Variants in KIFAP3 observed in about 807,000 individuals in gnomAD.
KIFAP3 encodes kinesin associated protein 3.
Under a neutral mutation model 106.5 loss-of-function variants are expected in KIFAP3, and 68 were observed. The observed-to-expected ratio is 0.64, with a 90% CI of 0.53 to 0.78. KIFAP3 has a LOEUF of 0.78. Among genes scored for constraint, KIFAP3 ranks in the 30% least tolerant of loss-of-function variants. KIFAP3 has a pLI of 0.00. For synonymous variants in KIFAP3, 320 were observed against 311.5 expected (o/e 1.03, Z -0.29); for missense variants, 780 against 941.8 (o/e 0.83, Z 2.25).
At chr1:170,031,749 G>T in intron 8 of KIFAP3, 137 bp downstream of exon 8, 1 of 571,052 alleles carries the variant, frequency 1.8e-6, no homozygotes, top group South Asian at 3.1e-5. Context: ...AAAGACAGAC[G>T]AACTTGTAGC....
chr1:170,035,871 A>C (rs920902908), intron 5 of KIFAP3, among the ~76,000 whole-genome samples: 1 of 152,074 alleles, frequency 6.6e-6, no homozygotes, highest in African/African-American at 2.4e-5. Flanking sequence ...CCTTAAATTA[A>C]GAACTGTAAT....
At chr1:170,063,563 C>T (rs909918615) in intron 1 of KIFAP3, among the ~76,000 whole-genome samples, 1 of 152,198 alleles carries the variant, frequency 6.6e-6, no homozygotes, top group African/African-American at 2.4e-5. Context: ...TGCTGCTTGG[C>T]TAGCCCTGCA....
chr1:170,079,365 G>A (rs1024467593), upstream of KIFAP3, among the ~76,000 whole-genome samples: 1 of 152,098 alleles, frequency 6.6e-6, no homozygotes, highest in Non-Finnish European at 1.5e-5. Flanking sequence ...GAAGAACAAT[G>A]AACCAAATAA....
At chr1:169,922,288 G>A (rs956704073) in intron 19 of KIFAP3, among the ~76,000 whole-genome samples, 20 of 152,070 alleles carry the variant, frequency 1.3e-4, no homozygotes, top group African/African-American at 3.9e-4. Context: ...CATACCATAA[G>A]CCTATGATTA....
intron 19 of KIFAP3, among the ~76,000 whole-genome samples, chr1:169,953,705 G>A (rs1034323982): frequency 5.3e-5 from 8 of 151,998 alleles, no homozygotes; most frequent in African/African-American, 9.7e-5. Flanking sequence ...TAGTAGAGAC[G>A]GGGTTTCACC....
rs544415629 is a variant in KIFAP3, at chr1:170,012,821, T to C, written c.1183+3641A>G. ...AAGGCAAATGAGGAGCAAAATTACA[T>C]CTTACATGGTGGCAGACAAGAAGAG... On this transcript the variant is annotated intron_variant, in intron 10 of 19. Coordinates refer to ENST00000361580, the MANE Select transcript of KIFAP3 (RefSeq NM_014970.4). Among the ~76,000 whole-genome samples, 16 of 152,202 alleles carry C rather than the reference T, an allele frequency of 1.1e-4. No individual in the cohort carries two copies. In the South Asian group the frequency reaches 2.9e-3, roughly 28 times the overall value.
At chr1:170,023,931 G>C (rs1668981883) in intron 9 of KIFAP3, 1 of 152,058 alleles carries the variant, frequency 6.6e-6, no homozygotes, top group Non-Finnish European at 1.5e-5. Context: ...AAATATTACA[G>C]TTTCAAGAGA....
intron 19 of KIFAP3, among the ~76,000 whole-genome samples, chr1:169,945,431 C>A (rs900996760): frequency 1.3e-5 from 2 of 152,148 alleles, no homozygotes; most frequent in South Asian, 2.1e-4. Context: ...GGGGGCAGGG[C>A]TCATGCCTCT....
At chr1:170,049,037 T>C (rs1252917326) in intron 2 of KIFAP3, among the ~76,000 whole-genome samples, 1 of 152,168 alleles carries the variant, frequency 6.6e-6, no homozygotes, top group Non-Finnish European at 1.5e-5. Context: ...ACTCAGTGAG[T>C]CCCACTCTTA....
intron 11 of KIFAP3, among the ~76,000 whole-genome samples, chr1:169,987,188 T>C (rs1484539641): frequency 6.6e-6 from 1 of 152,126 alleles, no homozygotes; most frequent in African/African-American, 2.4e-5. Context: ...GTGTAATTGC[T>C]GACAACTAGA....
At chr1:169,951,724 TAA>T (rs985927668) in intron 19 of KIFAP3, among the ~76,000 whole-genome samples, 4 of 151,878 alleles carry the variant, frequency 2.6e-5, no homozygotes, top group Non-Finnish European at 4.4e-5. Flanking sequence ...TTTAGTTTTT[TAA>T]AAGTCACATA....
rs1281068488 is a variant in KIFAP3 at position 170,034,386 on chromosome 1, T to G, written c.728A>C (p.Lys243Thr). 5 of 1,606,002 alleles carry G rather than the reference T, an allele frequency of 3.1e-6. No individual in the cohort carries two copies. The highest frequency in any genetic ancestry group is 1.7e-5 in the Admixed American group (1 of 58,926). Residue 243 changes from lysine to threonine, a missense_variant, in exon 7 of 20, where the codon AAG (lysine) becomes ACG (threonine). Physicochemically the swap from Lys to Thr is moderately conservative, Grantham distance 78. Coordinates refer to ENST00000361580, the MANE Select transcript of KIFAP3 (RefSeq NM_014970.4). ...RHELWQEELS[K>T]KKKAVDEDPE... ...TAAAAGGATATCAGCTTTCTTCTTC[T>G]TTGAGAGTTCTTCTTGCCAAAGCTC...
intron 10 of KIFAP3, among the ~76,000 whole-genome samples, chr1:169,995,322 A>AT (rs1243189396): frequency 4.0e-5 from 6 of 151,814 alleles, no homozygotes; most frequent in African/African-American, 9.7e-5. Flanking sequence ...ATTTTACATT[A>AT]TTTTTTTTCC....
intron 19 of KIFAP3, among the ~76,000 whole-genome samples, chr1:169,952,327 G>A (rs1029961652): frequency 1.3e-5 from 2 of 151,952 alleles, no homozygotes; most frequent in African/African-American, 4.8e-5. Flanking sequence ...TCAATTTAGT[G>A]AGTTGCAGTT....
In KIFAP3 at chr1:170,060,500, C is replaced by G. The variant is rs550284461; in HGVS notation, c.33-5064G>C. 9.9e-5 allele frequency among the ~76,000 whole-genome samples: 15 copies of G among 151,978 alleles called. No individual in the cohort carries two copies. In the South Asian group the frequency reaches 1.0e-3, roughly 11 times the overall value. The stretch of plus-strand genomic sequence containing the variant: ...AGGAGAACTACAAACCACTGCTCAA[C>G]GAAATAAAAGAGGACACAAACAAAT... On this transcript the variant is annotated intron_variant, in intron 1 of 19. Coordinates refer to ENST00000361580, the MANE Select transcript of KIFAP3 (RefSeq NM_014970.4).
At chr1:170,082,384 T>C (rs192889095) in intron 1 of KIFAP3, among the ~76,000 whole-genome samples, 62 of 152,320 alleles carry the variant, frequency 4.1e-4, no homozygotes, top group Non-Finnish European at 7.3e-5. Context: ...CCCCGATCTA[T>C]TATGACAGAA....
chr1:169,934,921 T>C (rs974891670), intron 19 of KIFAP3, among the ~76,000 whole-genome samples: 2 of 152,036 alleles, frequency 1.3e-5, no homozygotes, highest in African/African-American at 2.4e-5. Flanking sequence ...CTGCATAAAA[T>C]TGTAATAGTT....
chr1:169,979,457 T>G (rs1666394331), intron 15 of KIFAP3, among the ~76,000 whole-genome samples: 1 of 151,970 alleles, frequency 6.6e-6, no homozygotes, highest in South Asian at 2.1e-4. Context: ...TTAAAAAAAC[T>G]CAAAAGAGAA....
At chr1:169,925,986 C>CAGT (rs906782947) in intron 19 of KIFAP3, among the ~76,000 whole-genome samples, 1 of 152,060 alleles carries the variant, frequency 6.6e-6, no homozygotes, top group Admixed American at 6.5e-5. Flanking sequence ...TAAATGGCTA[C>CAGT]AAAAAGAATA....
Sources: allele counts gnomAD v4.1 joint callset (sites outside exome capture counted in the v4.1 genomes callset), GRCh38; gene constraint gnomAD v4.1.1; transcripts MANE v1.5; gene names NCBI Gene and HGNC (gene_info 2026-07-23, HGNC 2026-07-21).